Variants in RBM5 observed in about 807,000 individuals in gnomAD.
The protein encoded by RBM5 is RNA-binding protein 5.
RBM5 carries 15 observed loss-of-function variants against 124.6 expected under a neutral mutation model. The ratio of observed to expected loss-of-function variants is 0.12; its 90% CI spans 0.08 to 0.19. The LOEUF is 0.19. Among genes scored for constraint, RBM5 ranks in the 10% least tolerant of loss-of-function variants. The pLI, the probability that RBM5 is intolerant of heterozygous loss-of-function variation, is 1.00. For synonymous variants in RBM5, 337 were observed against 361.2 expected (o/e 0.93, Z 0.76); for missense variants, 580 against 1,026.5 (o/e 0.57, Z 5.94).
intron 8 of RBM5, 111 bp from the exon 9 acceptor site, chr3:50,104,963 GAAA>G (rs869100988): frequency 1.2e-6 from 1 of 833,326 alleles, no homozygotes; most frequent in Admixed American, 2.6e-5. Flanking sequence ...GCTTAAAAAA[GAAA>G]AAAACGATTG....
chr3:50,117,180 T>C lies in RBM5; in HGVS notation c.2192+9T>C, dbSNP rs775026971. ...TTTGATGCCGGCACTGTGTATGTGA[T>C]GTGCACATTTTCCAGTTCGTAAGCT... is the stretch of plus-strand genomic sequence containing the variant. On this transcript the variant is annotated intron_variant, in intron 23 of 24. Transcript: ENST00000347869. The surrounding 1 kb of genome is among the most constrained non-coding windows in gnomAD (Gnocchi z 4.2). 6.2e-7 allele frequency: 1 copy of C among 1,614,070 alleles called. No individual in the cohort carries two copies. Among genetic ancestry groups the C allele is most frequent in the African/African-American group, 1.3e-5 (1 of 74,934 alleles).
Position 50,093,714 on chromosome 3 carries a change from A to T in RBM5, c.184-6A>T, listed in dbSNP as rs540511916. 1 of 1,611,448 alleles carries T rather than the reference A, an allele frequency of 6.2e-7. No individual in the cohort carries two copies. The highest frequency in any genetic ancestry group is 1.3e-5 in the African/African-American group (1 of 75,006). On this transcript the variant is annotated splice_polypyrimidine_tract_variant and splice_region_variant and intron_variant, in intron 3 of 24. Coordinates refer to ENST00000347869, the MANE Select transcript of RBM5 (RefSeq NM_005778.4). Reference sequence around the variant, plus strand: ...GTTAATTGTGATTTTGTTTATTGTAACTCAGAGAGAGCGTGAAAGAAGGAA... The same window carrying T: ...GTTAATTGTGATTTTGTTTATTGTATCTCAGAGAGAGCGTGAAAGAAGGAA...
intron 2 of RBM5, 115 bp from the exon 3 acceptor site, chr3:50,091,928 T>G: frequency 2.0e-6 from 2 of 1,013,332 alleles, no homozygotes; most frequent in South Asian, 2.7e-5. Flanking sequence ...TTTAACACTT[T>G]AAACTATTTG....
At chr3:50,098,253 C>T (rs1005802681) in intron 4 of RBM5, among the ~76,000 whole-genome samples, 2 of 140,030 alleles carry the variant, frequency 1.4e-5, no homozygotes, top group African/African-American at 5.1e-5. Context: ...TTTTAAATCT[C>T]ATCTGAGTCC....
Position 50,118,414 on chromosome 3 carries a change from T to C in RBM5, c.2406T>C (p.Ala802=), listed in dbSNP as rs756749507. 17 of 1,613,962 alleles carry C rather than the reference T, an allele frequency of 1.1e-5. No homozygotes were observed. The Admixed American group carries it at 2.0e-4, about 19-fold the overall frequency. The change falls in exon 25 of 25, where the codon GCT becomes GCC. Residue 802 remains alanine, a synonymous_variant. Transcript: ENST00000347869. Reference sequence around the variant, plus strand: ...CGGGCGCCGATTCCTACAAAGATGCTGTCCGGAAAGCCATGTTTGCCCGGT... The same window carrying C: ...CGGGCGCCGATTCCTACAAAGATGCCGTCCGGAAAGCCATGTTTGCCCGGT... ...GLSGADSYKD[A]VRKAMFARFT...
chr3:50,089,500 C>G (rs1011568062), intron 1 of RBM5, among the ~76,000 whole-genome samples: 8 of 152,244 alleles, frequency 5.3e-5, no homozygotes, highest in African/African-American at 1.9e-4. Context: ...TGGAGTCGGT[C>G]GAGCAGGCCG....
In RBM5 at chr3:50,115,876, CT is replaced by C. The variant is rs772234124; in HGVS notation, c.2020-28del. The C allele has an allele frequency of 3.8e-6, 6 of 1,576,648 alleles. No individual in the cohort carries two copies. The South Asian group carries it at 5.6e-5, about 15-fold the overall frequency. On this transcript the variant is annotated intron_variant, in intron 21 of 24. Coordinates refer to ENST00000347869, the MANE Select transcript of RBM5 (RefSeq NM_005778.4). ...ATTTCAAATTAAGATGGTCTGAGTC[CT>C]TACTGTGTCTTTCAAATCTTTTGTG...
chr3:50,110,833 G>A, intron 17 of RBM5, 63 bp downstream of exon 17: 2 of 1,295,292 alleles, frequency 1.5e-6, no homozygotes, highest in Non-Finnish European at 2.2e-6. Flanking sequence ...CATTTATGAG[G>A]CATAAAATGA....
Position 50,088,968 on chromosome 3 carries a change from C to G in RBM5, c.-115C>G, listed in dbSNP as rs1029016088. 1 of 152,298 alleles carries G rather than the reference C, an allele frequency of 6.6e-6. No individual in the cohort carries two copies. The highest frequency in any genetic ancestry group is 2.4e-5 in the African/African-American group (1 of 41,460). 9.4% of individuals were successfully genotyped at this position (152,298 alleles called of 1,614,324 possible). A position where few individuals can be genotyped will look rare whatever the true frequency, so the allele number is the denominator to read the frequency against. On this transcript the variant is annotated 5_prime_UTR_variant, in exon 1 of 25. Coordinates refer to ENST00000347869, the MANE Select transcript of RBM5 (RefSeq NM_005778.4). ...GCGGAGGCGCCATTTTGTGTAGCCG[C>G]CGAACCTTGTTGGAGGTTCTGGGGC...
Position 50,118,742 on chromosome 3 carries a change from G to A in RBM5, c.*286G>A. On this transcript the variant is annotated 3_prime_UTR_variant, in exon 25 of 25. Coordinates refer to ENST00000347869, the MANE Select transcript of RBM5 (RefSeq NM_005778.4). ...AGTGTAATGTAGCGTGTTTACATGT[G>A]TAGCCTATGTTGTGGTCCATCAGCC... 1 of 391,166 alleles carries A rather than the reference G, an allele frequency of 2.6e-6. No individual in the cohort carries two copies. The highest frequency in any genetic ancestry group is 4.1e-5 in the South Asian group (1 of 24,664). 24.2% of individuals were successfully genotyped at this position (391,166 alleles called of 1,614,324 possible). A position where few individuals can be genotyped will look rare whatever the true frequency, so the allele number is the denominator to read the frequency against.
Position 50,115,328 on chromosome 3 carries a change from T to G in RBM5, c.1840-100T>G, listed in dbSNP as rs2091228294. ...AAGTGTGACATGCAGTAATGGGGATTTGTTAACATTTCGGATGAGGCATTA... is the reference window on the plus strand; with the variant it reads ...AAGTGTGACATGCAGTAATGGGGATGTGTTAACATTTCGGATGAGGCATTA... On this transcript the variant is annotated intron_variant, in intron 20 of 24. Coordinates refer to ENST00000347869, the MANE Select transcript of RBM5 (RefSeq NM_005778.4). The G allele has an allele frequency of 4.5e-6, 6 of 1,339,404 alleles. No individual in the cohort carries two copies. In the South Asian group the frequency reaches 7.7e-5, roughly 17 times the overall value. The allele number at this position is 1,339,404 out of a possible 1,614,324, so 83.0% of individuals were successfully genotyped here.
chr3:50,109,710 C>G (rs996413553), intron 15 of RBM5, 22 bp downstream of exon 15: 2 of 1,596,038 alleles, frequency 1.3e-6, no homozygotes, highest in African/African-American at 1.3e-5. Context: ...GTCCTATATA[C>G]AAAACTCGTG....
chr3:50,104,117 C>A, intron 7 of RBM5, 131 bp from the exon 8 acceptor site: 2 of 708,322 alleles, frequency 2.8e-6, no homozygotes, highest in East Asian at 2.7e-5. Flanking sequence ...GTTATGTCCC[C>A]ATGTCTCAGC....
intron 1 of RBM5, among the ~76,000 whole-genome samples, chr3:50,089,556 G>T (rs1279632422): frequency 6.6e-6 from 1 of 152,280 alleles, no homozygotes; most frequent in Non-Finnish European, 1.5e-5. Flanking sequence ...GTGGGTGCCG[G>T]CACCGCCCGG....
At chr3:50,096,315 G>A (rs1195857266) in intron 4 of RBM5, among the ~76,000 whole-genome samples, 2 of 86,844 alleles carry the variant, frequency 2.3e-5, no homozygotes, top group East Asian at 3.6e-4. Context: ...ATGGTAAGAC[G>A]CATCTCTCCA....
At chr3:50,113,644 T>C (rs2091188289) in intron 18 of RBM5, 100 bp downstream of exon 18, 33 of 1,328,390 alleles carry the variant, frequency 2.5e-5, no homozygotes, top group Non-Finnish European at 3.3e-5. Flanking sequence ...TTCTTAAAAA[T>C]TGGGCTTCAC....
At chr3:50,093,691 TA>T (rs1450360109) in intron 3 of RBM5, 28 bp from the exon 4 acceptor site, 3 of 1,606,134 alleles carry the variant, frequency 1.9e-6, no homozygotes, top group Non-Finnish European at 2.6e-6. Flanking sequence ...AGGGTGATGT[TA>T]ATTGTGATTT....
At position 50,118,499 on chromosome 3, in the gene RBM5, T is replaced by C. The variant is rs1246386357; in HGVS notation, c.*43T>C. ...AGATGACAAGGAGCACAAGAAGTGG[T>C]CCATCTCCCGAATTCGCTGTTACCG... On this transcript the variant is annotated 3_prime_UTR_variant, in exon 25 of 25. Transcript: ENST00000347869. The C allele has an allele frequency of 1.3e-6, 2 of 1,597,062 alleles. No individual in the cohort carries two copies. The highest frequency in any genetic ancestry group is 4.5e-5 in the East Asian group (2 of 44,510).
At chr3:50,114,754 AGAGAATTGCTT>A (rs1207955241) in intron 20 of RBM5, 1 of 155,758 alleles carries the variant, frequency 6.4e-6, no homozygotes, top group Non-Finnish European at 1.4e-5. Context: ...TGCTAAGGTA[AGAGAATTGCTT>A]GAGCCCAGGA....
Sources: gnomAD v4.1 joint callset for allele counts (sites outside exome capture counted in the v4.1 genomes callset) on GRCh38, gnomAD v4.1.1 for gene constraint, Gnocchi (gnomAD v3.1) non-coding constraint, MANE v1.5 for transcripts, NCBI Gene and HGNC (gene_info 2026-07-23, HGNC 2026-07-21) for gene names.